Variants in ERC1 observed in about 807,000 individuals in gnomAD.
ERC1 encodes the protein RAB6 interacting protein 2.
In ERC1, 56 loss-of-function variants were observed where a neutral mutation model predicts 132.0. The observed-to-expected ratio is 0.42, with a 90% CI of 0.34 to 0.53. ERC1 has a LOEUF of 0.53. ERC1 is among the 20% of genes least tolerant of loss of function. ERC1 has a pLI of 0.03. For missense variants in ERC1, 1,202 were observed against 1,349.9 expected, an observed-to-expected ratio of 0.89 and a Z score of 1.72; for synonymous variants, 478 against 476.1, an observed-to-expected ratio of 1.00 and a Z score of -0.05.
Position 1,249,742 on chromosome 12 carries a change from C to T in ERC1, c.2487+12838C>T, listed in dbSNP as rs568991989. ...TGTAAACTGGCTAGCTTATAAACAACAGAAATTTATTTCTCACAGTTCTGT... is the reference window on the plus strand; with the variant it reads ...TGTAAACTGGCTAGCTTATAAACAATAGAAATTTATTTCTCACAGTTCTGT... On this transcript the variant is annotated intron_variant, in intron 13 of 18. Coordinates refer to ENST00000360905, the MANE Select transcript of ERC1 (RefSeq NM_178040.4). 6.0e-4 allele frequency among the ~76,000 whole-genome samples: 92 copies of T among 152,314 alleles called. 1 individual carries two copies. Among genetic ancestry groups the T allele is most frequent in the African/African-American group, 2.1e-3 (88 of 41,562 alleles).
chr12:1,117,280 C>CT (rs1242118805), intron 7 of ERC1, among the ~76,000 whole-genome samples: 9 of 152,104 alleles, frequency 5.9e-5, no homozygotes, highest in African/African-American at 2.2e-4. Context: ...AGACAAGAAT[C>CT]TTCCAATAAG....
chr12:1,256,015 T>C (rs2076789084), intron 13 of ERC1, among the ~76,000 whole-genome samples: 1 of 152,156 alleles, frequency 6.6e-6, no homozygotes, highest in Non-Finnish European at 1.5e-5. Flanking sequence ...TGAGCATTTT[T>C]CAAGTCTGTT....
chr12:1,429,251 GTTA>G (rs1375586863), intron 17 of ERC1, among the ~76,000 whole-genome samples: 2 of 152,168 alleles, frequency 1.3e-5, no homozygotes, highest in African/African-American at 4.8e-5. Flanking sequence ...TATGAAATAA[GTTA>G]TTAAGATTTT....
chr12:1,303,283 T>TAA (rs2080553859), intron 15 of ERC1, among the ~76,000 whole-genome samples: 1 of 152,236 alleles, frequency 6.6e-6, no homozygotes, highest in Admixed American at 6.5e-5. Flanking sequence ...TGCTGTTTGA[T>TAA]AAGCATTTTA....
At chr12:1,429,965 A>G (rs986713041) in intron 17 of ERC1, among the ~76,000 whole-genome samples, 21 of 152,316 alleles carry the variant, frequency 1.4e-4, no homozygotes, top group African/African-American at 1.9e-4. Flanking sequence ...AGTGGTTTCT[A>G]TGTGCCAGGA....
chr12:1,398,563 ATC>A lies in ERC1; in HGVS notation c.2926-9582_2926-9581del, dbSNP rs549410492. Reference sequence around the variant, plus strand: ...CCTTTTAAAAAAATATTTATTTCCTATCTCTGACTGAACCAGACTAGAAGAAA... The same window carrying A: ...CCTTTTAAAAAAATATTTATTTCCTATCTGACTGAACCAGACTAGAAGAAA... On this transcript the variant is annotated intron_variant, in intron 16 of 18. Transcript: ENST00000360905. 4.3e-3 allele frequency among the ~76,000 whole-genome samples: 654 copies of A among 152,366 alleles called. 10 individuals carry two copies. The highest frequency in any genetic ancestry group is 0.015 in the African/African-American group (624 of 41,594).
At chr12:1,182,157 C>A in intron 10 of ERC1, 92 bp downstream of exon 10, 2 of 1,233,772 alleles carry the variant, frequency 1.6e-6, no homozygotes, top group Non-Finnish European at 2.2e-6. Flanking sequence ...AAAAAGTATT[C>A]GATGGAAAAT....
intron 14 of ERC1, among the ~76,000 whole-genome samples, chr12:1,287,630 C>T (rs1365012718): frequency 6.6e-6 from 1 of 152,192 alleles, no homozygotes; most frequent in Admixed American, 6.5e-5. Flanking sequence ...CTTTTCCTTG[C>T]ATTCATTCAG....
chr12:1,280,553 CAAG>C (rs1054402948), intron 14 of ERC1, among the ~76,000 whole-genome samples: 1 of 152,132 alleles, frequency 6.6e-6, no homozygotes, highest in African/African-American at 2.4e-5. Flanking sequence ...GTAATCTCTC[CAAG>C]TATCTGTAAT....
chr12:1,154,243 A>ATATGTATATGTATATGTATATGTG (rs1951120123), intron 8 of ERC1, among the ~76,000 whole-genome samples: 2 of 148,222 alleles, frequency 1.3e-5, no homozygotes, highest in Admixed American at 6.7e-5. Context: ...ATGTATATGT[A>ATATGTATATGTATATGTATATGTG]TATGTATATG....
intron 14 of ERC1, among the ~76,000 whole-genome samples, chr12:1,269,763 G>A (rs866158680): frequency 1.5e-4 from 23 of 152,240 alleles, no homozygotes; most frequent in Middle Eastern, 3.4e-3. Flanking sequence ...CTAAACATAC[G>A]TATCCCTGAA....
At chr12:1,446,439 A>C (rs2093305660) in intron 18 of ERC1, among the ~76,000 whole-genome samples, 1 of 152,190 alleles carries the variant, frequency 6.6e-6, no homozygotes, top group Non-Finnish European at 1.5e-5. Context: ...CCCCCTATAG[A>C]TTCAATCATA....
At chr12:1,394,034 C>A (rs199797041) in intron 16 of ERC1, among the ~76,000 whole-genome samples, 2,090 of 44,234 alleles carry the variant, frequency 0.047, 80 homozygotes, top group Middle Eastern at 0.16. Flanking sequence ...AAAAAAAAAA[C>A]AAAAAAAAAA....
intron 8 of ERC1, among the ~76,000 whole-genome samples, chr12:1,166,370 A>G (rs183644908): frequency 1.6e-4 from 25 of 152,238 alleles, no homozygotes; most frequent in African/African-American, 4.1e-4. Context: ...TTGCCTTCCA[A>G]CATGATTGTG....
chr12:1,279,674 ATTTT>A (rs2078532974), intron 14 of ERC1, among the ~76,000 whole-genome samples: 1 of 131,026 alleles, frequency 7.6e-6, no homozygotes, highest in African/African-American at 2.6e-5. Flanking sequence ...TTTTTTTTTA[ATTTT>A]ATTTTATTTT....
At chr12:1,255,297 A>G (rs1163183605) in intron 13 of ERC1, among the ~76,000 whole-genome samples, 3 of 152,216 alleles carry the variant, frequency 2.0e-5, no homozygotes, top group South Asian at 2.1e-4. Flanking sequence ...ATGGCTGCAT[A>G]GTATTCCATG....
chr12:1,272,970 A>C (rs1366924416), intron 14 of ERC1, among the ~76,000 whole-genome samples: 1 of 150,776 alleles, frequency 6.6e-6, no homozygotes, highest in South Asian at 2.1e-4. Context: ...AAAAAAAAAA[A>C]AACCTTGAGT....
At chr12:1,322,445 C>A (rs2082177407) in intron 15 of ERC1, among the ~76,000 whole-genome samples, 1 of 152,128 alleles carries the variant, frequency 6.6e-6, no homozygotes, top group Admixed American at 6.5e-5. Context: ...CAAGCAGCAT[C>A]CATAGTAATT....
At chr12:1,157,546 C>T (rs1333108179) in intron 8 of ERC1, among the ~76,000 whole-genome samples, 1 of 152,134 alleles carries the variant, frequency 6.6e-6, no homozygotes, top group Non-Finnish European at 1.5e-5. Flanking sequence ...ATTTGAAATG[C>T]CACAAATAAA....
Sources: gnomAD v4.1 joint callset for allele counts (sites outside exome capture counted in the v4.1 genomes callset) on GRCh38, gnomAD v4.1.1 for gene constraint, MANE v1.5 for transcripts, NCBI Gene and HGNC (gene_info 2026-07-23, HGNC 2026-07-21) for gene names.